Variants in PLEKHS1 observed in about 807,000 individuals in gnomAD.
The protein encoded by PLEKHS1 is pleckstrin homology domain containing S1, also known as pleckstrin homology domain-containing family S member 1.
PLEKHS1 carries 55 observed loss-of-function variants against 51.0 expected under a neutral mutation model. The observed-to-expected ratio is 1.08, with a 90% CI of 0.87 to 1.35. The LOEUF is 1.35. Among genes scored for constraint, PLEKHS1 ranks in the 40% most tolerant of loss-of-function variants. PLEKHS1 has a pLI of 0.00. For synonymous variants in PLEKHS1, 153 were observed against 144.8 expected, an observed-to-expected ratio of 1.06 and a Z score of -0.41; for missense variants, 398 against 423.0, an observed-to-expected ratio of 0.94 and a Z score of 0.52.
intron 11 of PLEKHS1, chr10:113,777,932 G>T: frequency 2.0e-6 from 1 of 494,308 alleles, no homozygotes; most frequent in Non-Finnish European, 3.4e-6. Flanking sequence ...CAAGGTTACA[G>T]TGTGCTATGA....
chr10:113,762,953 A>G (rs1844008219), intron 2 of PLEKHS1, among the ~76,000 whole-genome samples: 1 of 152,096 alleles, frequency 6.6e-6, no homozygotes, highest in Admixed American at 6.5e-5. Context: ...AACTCTTAGC[A>G]AACTTATTAT....
At chr10:113,764,523 T>C (rs992592817) in intron 2 of PLEKHS1, among the ~76,000 whole-genome samples, 3 of 152,230 alleles carry the variant, frequency 2.0e-5, no homozygotes, top group African/African-American at 7.2e-5. Context: ...TTTTAAGATT[T>C]GTTTTCTTTA....
intron 6 of PLEKHS1, 40 bp from the exon 7 acceptor site, chr10:113,769,744 G>A: frequency 7.6e-7 from 1 of 1,314,472 alleles, no homozygotes; most frequent in Non-Finnish European, 1.1e-6. Flanking sequence ...TCCAGACAGA[G>A]ATCAACTGTG....
intron 10 of PLEKHS1, 136 bp downstream of exon 10, chr10:113,775,171 T>A: frequency 1.3e-6 from 1 of 763,614 alleles, no homozygotes; most frequent in Non-Finnish European, 2.1e-6. Flanking sequence ...TTGACCATCT[T>A]CTCCCTGTCA....
intron 6 of PLEKHS1, 152 bp downstream of exon 6, chr10:113,769,042 G>C (rs1461509406): frequency 1.9e-6 from 1 of 528,112 alleles, no homozygotes; most frequent in African/African-American, 2.0e-5. Flanking sequence ...TACTTTTTAT[G>C]ATTAACAGAA....
At chr10:113,756,539 T>C (rs1854123834) in intron 2 of PLEKHS1, among the ~76,000 whole-genome samples, 1 of 152,122 alleles carries the variant, frequency 6.6e-6, no homozygotes, top group Non-Finnish European at 1.5e-5. Context: ...TAGGCTGTGA[T>C]GGAAATCATG....
intron 8 of PLEKHS1, among the ~76,000 whole-genome samples, chr10:113,772,471 G>T (rs140812046): frequency 6.6e-6 from 1 of 152,270 alleles, no homozygotes; most frequent in East Asian, 1.9e-4. Context: ...TATGAGCCAA[G>T]GTCCTTGGGT....
intron 1 of PLEKHS1, among the ~76,000 whole-genome samples, chr10:113,752,577 T>G (rs1853897320): frequency 1.3e-5 from 2 of 152,156 alleles, no homozygotes; most frequent in African/African-American, 4.8e-5. Context: ...AGTAATAACC[T>G]TCATGTTACA....
chr10:113,758,718 C>G (rs1843784662), intron 2 of PLEKHS1, among the ~76,000 whole-genome samples: 1 of 151,982 alleles, frequency 6.6e-6, no homozygotes, highest in Admixed American at 6.5e-5. Flanking sequence ...ATAGGGAGGT[C>G]CAAGGAGAGG....
At chr10:113,770,299 G>C (rs1248478496) in intron 7 of PLEKHS1, among the ~76,000 whole-genome samples, 1 of 152,142 alleles carries the variant, frequency 6.6e-6, no homozygotes, top group African/African-American at 2.4e-5. Flanking sequence ...TGAGTTTCTT[G>C]TTAATCTCTT....
At chr10:113,757,932 C>T (rs1453534322) in intron 2 of PLEKHS1, among the ~76,000 whole-genome samples, 2 of 152,240 alleles carry the variant, frequency 1.3e-5, no homozygotes. Context: ...AGCAGCTCCT[C>T]ATCTGTTGAA....
chr10:113,777,219 A>T (rs1564828621), intron 11 of PLEKHS1: 1 of 1,612,832 alleles, frequency 6.2e-7, no homozygotes, highest in Admixed American at 1.7e-5. Flanking sequence ...CAGAGCCTGG[A>T]GGAGGTCTCC....
chr10:113,776,916 C>G (rs747719788), intron 11 of PLEKHS1, among the ~76,000 whole-genome samples: 11 of 152,034 alleles, frequency 7.2e-5, no homozygotes, highest in South Asian at 2.1e-4. Flanking sequence ...TTTCATGGGC[C>G]TTTGTAAGGG....
intron 10 of PLEKHS1, 92 bp downstream of exon 10, chr10:113,775,127 G>A: frequency 8.3e-7 from 1 of 1,211,136 alleles, no homozygotes; most frequent in Non-Finnish European, 1.1e-6. Flanking sequence ...AAATTTTAAA[G>A]CTGTTCCTAA....
At chr10:113,771,867 CT>C in intron 7 of PLEKHS1, 102 bp from the exon 8 acceptor site, 12 of 1,385,764 alleles carry the variant, frequency 8.7e-6, no homozygotes, top group Non-Finnish European at 1.2e-5. Flanking sequence ...ACCCTCTGGT[CT>C]TTTTTAACCC....
At chr10:113,766,390 A>G (rs752751763) in intron 2 of PLEKHS1, 21 bp from the exon 3 acceptor site, 4 of 1,401,354 alleles carry the variant, frequency 2.9e-6, no homozygotes, top group Non-Finnish European at 4.0e-6. Flanking sequence ...GAACAAACTG[A>G]GTTCTGTTCA....
Position 113,767,621 on chromosome 10 carries a change from T to A in PLEKHS1, c.359+142T>A, listed in dbSNP as rs116242635. Reference sequence around the variant, plus strand: ...CCATCTTGGCAATCTTAGTTATTTTTAAAAATATCTTGAAAAGTTACTGAG... The same window carrying A: ...CCATCTTGGCAATCTTAGTTATTTTAAAAAATATCTTGAAAAGTTACTGAG... On this transcript the variant is annotated intron_variant, in intron 5 of 11. Transcript: ENST00000361048. The A allele has an allele frequency of 1.2e-3, 1,055 of 892,542 alleles. 7 individuals are homozygous for A. The African/African-American group carries it at 0.016, about 14-fold the overall frequency. The allele number at this position is 892,542 out of a possible 1,614,324, so 55.3% of individuals were successfully genotyped here.
intron 5 of PLEKHS1, 98 bp from the exon 6 acceptor site, chr10:113,768,716 GC>G: frequency 1.1e-6 from 1 of 938,028 alleles, no homozygotes; most frequent in Non-Finnish European, 1.6e-6. Flanking sequence ...GCTGGTACCT[GC>G]TCTCACCACC....
At chr10:113,777,372 T>C (rs1844720808) in intron 11 of PLEKHS1, 113 bp downstream of exon 12, 2 of 1,609,338 alleles carry the variant, frequency 1.2e-6, no homozygotes, top group Non-Finnish European at 1.7e-6. Context: ...TTCCTCATTC[T>C]TCCACCATCA....
Sources: allele counts gnomAD v4.1 joint callset (sites outside exome capture counted in the v4.1 genomes callset), GRCh38; gene constraint gnomAD v4.1.1; transcripts MANE v1.5; gene names NCBI Gene and HGNC (gene_info 2026-07-23, HGNC 2026-07-21).